The following LRRC39 variants were observed in gnomAD, a reference collection of about 807,000 sequenced individuals.
LRRC39 encodes the protein leucine rich repeat containing 39, also known as leucine-rich repeat-containing protein 39.
LRRC39 carries 35 observed loss-of-function variants against 39.7 expected under a neutral mutation model. That is an observed-to-expected ratio of 0.88 (90% CI 0.67 to 1.17). LRRC39 has a LOEUF of 1.17. LRRC39 is among the 50% of genes most tolerant of loss of function. The probability of loss-of-function intolerance (pLI) is 0.00; values close to 1 mark genes in which losing one functional copy is unlikely to be tolerated. For synonymous variants in LRRC39, 113 were observed against 134.1 expected (o/e 0.84, Z 1.09); for missense variants, 357 against 385.8 (o/e 0.93, Z 0.62).
Position 100,166,021 on chromosome 1 carries a change from T to C in LRRC39, c.113+2383A>G, listed in dbSNP as rs572704528. On this transcript the variant is annotated intron_variant, in intron 3 of 9. Transcript: ENST00000370137. ...TCCCATGTAGCTGGGATTACAGGCGTGAGCCACCATGTCTGGCTGAGGATT... is the reference window on the plus strand; with the variant it reads ...TCCCATGTAGCTGGGATTACAGGCGCGAGCCACCATGTCTGGCTGAGGATT... Among the ~76,000 whole-genome samples the C allele has an allele frequency of 1.3e-3, 192 of 151,886 alleles. 1 individual carries two copies. Among genetic ancestry groups the C allele is most frequent in the African/African-American group, 4.6e-3 (188 of 41,280 alleles).
At chr1:100,151,201 G>A (rs572736417) in intron 9 of LRRC39, among the ~76,000 whole-genome samples, 5 of 147,160 alleles carry the variant, frequency 3.4e-5, no homozygotes, top group Non-Finnish European at 5.9e-5. Flanking sequence ...GATTCTATTC[G>A]CCAACCCATC....
intron 6 of LRRC39, 28 bp downstream of exon 6, chr1:100,158,203 C>T: frequency 6.2e-7 from 1 of 1,605,276 alleles, no homozygotes; most frequent in South Asian, 1.1e-5. Flanking sequence ...ATGGAAAATA[C>T]AATCATAGGC....
intron 3 of LRRC39, among the ~76,000 whole-genome samples, chr1:100,166,904 T>C (rs1380443865): frequency 6.6e-6 from 1 of 152,204 alleles, no homozygotes; most frequent in Non-Finnish European, 1.5e-5. Context: ...TTCCTTCATC[T>C]TCCACCATGA....
intron 1 of LRRC39, among the ~76,000 whole-genome samples, chr1:100,174,987 G>A (rs1659859640): frequency 1.3e-5 from 2 of 150,614 alleles, no homozygotes; most frequent in Admixed American, 1.3e-4. Flanking sequence ...TAAGTTTGTG[G>A]CACCTCCCCC....
rs1419903701 is a variant in LRRC39 at position 100,152,543 on chromosome 1, A to C, written c.813-19T>G. On this transcript the variant is annotated intron_variant, in intron 8 of 9. Transcript: ENST00000370137. ...GACAAACCTAGAAGTTCATCAAAAAACAGTATTTTTATAGGTGTCATGGAA... is the reference window on the plus strand; with the variant it reads ...GACAAACCTAGAAGTTCATCAAAAACCAGTATTTTTATAGGTGTCATGGAA... 1 of 1,611,568 alleles carries C rather than the reference A, an allele frequency of 6.2e-7. No homozygotes were observed. Among genetic ancestry groups the C allele is most frequent in the Admixed American group, 1.7e-5 (1 of 59,572 alleles).
Position 100,156,243 on chromosome 1 carries a change from C to T in LRRC39, c.588G>A (p.Leu196=), listed in dbSNP as rs150346044. The T allele has an allele frequency of 1.7e-5, 28 of 1,613,960 alleles. No homozygotes were observed. The African/African-American group carries it at 3.6e-4, about 21-fold the overall frequency. The change falls in exon 7 of 10, where the codon TTG becomes TTA. Residue 196 remains leucine, a synonymous_variant. Transcript: ENST00000370137. ...CCAGCCACTCAAGGGCAGGCATGTT[C>T]AACACAGCAAGAGGGATTGTAGTAA... ...NDFTTIPLAV[L]NMPALEWLDM...
At chr1:100,153,969 AAT>A (rs1188661052) in intron 8 of LRRC39, among the ~76,000 whole-genome samples, 1 of 152,184 alleles carries the variant, frequency 6.6e-6, no homozygotes, top group African/African-American at 2.4e-5. Flanking sequence ...TTATTTAGGA[AAT>A]AAACACTTTT....
In LRRC39 at chr1:100,172,989, T is replaced by G. The variant is rs540774931; in HGVS notation, c.-79+342A>C. ...AAAAAAAAAAATTAGGAGGTTGCAG[T>G]GAGCCAAGATCATGCCACTGCACGC... On this transcript the variant is annotated intron_variant, in intron 2 of 9. Coordinates refer to ENST00000370137, the MANE Select transcript of LRRC39 (RefSeq NM_144620.4). 4.1e-5 allele frequency among the ~76,000 whole-genome samples: 6 copies of G among 147,970 alleles called. No homozygotes were observed. The South Asian group carries it at 1.3e-3, about 32-fold the overall frequency.
chr1:100,178,880 T>C (rs1660118092), upstream of LRRC39, among the ~76,000 whole-genome samples: 5 of 152,186 alleles, frequency 3.3e-5, no homozygotes, highest in South Asian at 1.0e-3. Flanking sequence ...CAAGTTCTCT[T>C]CTCTGAAGGC....
chr1:100,153,091 A>G (rs1658174066), intron 8 of LRRC39, among the ~76,000 whole-genome samples: 1 of 152,224 alleles, frequency 6.6e-6, no homozygotes, highest in Non-Finnish European at 1.5e-5. Context: ...TCTTAAATAT[A>G]AAATTAGTGC....
At chr1:100,167,514 C>T (rs1659330255) in intron 3 of LRRC39, among the ~76,000 whole-genome samples, 1 of 152,100 alleles carries the variant, frequency 6.6e-6, no homozygotes, top group Admixed American at 6.6e-5. Context: ...GTGGCTCATG[C>T]CTGTAATCCC....
Position 100,148,449 on chromosome 1 carries a change from A to G in LRRC39, c.*593T>C, listed in dbSNP as rs1427272972. 1 of 1,157,142 alleles carries G rather than the reference A, an allele frequency of 8.6e-7. No homozygotes were observed. The highest frequency in any genetic ancestry group is 2.5e-5 in the East Asian group (1 of 39,432). The allele number at this position is 1,157,142 out of a possible 1,614,324, so 71.7% of individuals were successfully genotyped here. On this transcript the variant is annotated 3_prime_UTR_variant, in exon 10 of 10. Coordinates refer to ENST00000370137, the MANE Select transcript of LRRC39 (RefSeq NM_144620.4). Reference sequence around the variant, plus strand: ...TTATAATCTAATTTTAGAATAAGCTAAAATATACACATCTTTTATTGTGGT... The same window carrying G: ...TTATAATCTAATTTTAGAATAAGCTGAAATATACACATCTTTTATTGTGGT...
intron 2 of LRRC39, among the ~76,000 whole-genome samples, chr1:100,170,115 G>T (rs540388516): frequency 1.2e-4 from 19 of 152,218 alleles, no homozygotes; most frequent in Admixed American, 2.6e-4. Context: ...GACAGTACAA[G>T]AACAGGAAAA....
At chr1:100,160,626 C>CT (rs35699743) in intron 3 of LRRC39, 55 bp from the exon 4 acceptor site, 176,729 of 1,080,796 alleles carry the variant, frequency 0.16, 33 homozygotes, top group Non-Finnish European at 0.17. Flanking sequence ...GTGGCATTCA[C>CT]TTTTTTTTTT....
In LRRC39 at chr1:100,155,090, T is replaced by C. The variant is rs774993468; in HGVS notation, c.773A>G (p.Gln258Arg). Reference protein sequence around the residue: ...GTLVLSNNKLQDIPVCMEEMA... With the variant: ...GTLVLSNNKLRDIPVCMEEMA... Reference sequence around the variant, plus strand: ...TTCTTCCATGCATACTGGAATATCTTGCAGTTTATTGTTGCTGAGAACAAG... The same window carrying C: ...TTCTTCCATGCATACTGGAATATCTCGCAGTTTATTGTTGCTGAGAACAAG... The change falls in exon 8 of 10, where the codon CAA (glutamine) becomes CGA (arginine). Residue 258 changes from glutamine to arginine, a missense_variant. Physicochemically the swap from Gln to Arg is conservative, Grantham distance 43. Coordinates refer to ENST00000370137, the MANE Select transcript of LRRC39 (RefSeq NM_144620.4). 6 of 1,606,378 alleles carry C rather than the reference T, an allele frequency of 3.7e-6. No individual in the cohort carries two copies. The highest frequency in any genetic ancestry group is 2.7e-5 in the African/African-American group (2 of 74,402).
chr1:100,164,016 T>C (rs377334600), intron 3 of LRRC39, among the ~76,000 whole-genome samples: 4 of 152,110 alleles, frequency 2.6e-5, no homozygotes, highest in Admixed American at 2.0e-4. Context: ...GAGGTTGCAG[T>C]GAGCCAAGAT....
intron 1 of LRRC39, among the ~76,000 whole-genome samples, chr1:100,177,621 T>C (rs1375584944): frequency 6.6e-6 from 1 of 152,224 alleles, no homozygotes; most frequent in African/African-American, 2.4e-5. Flanking sequence ...TTTGAAGTTT[T>C]TGCTAAATAC....
intron 7 of LRRC39, among the ~76,000 whole-genome samples, chr1:100,155,654 A>T (rs1658400360): frequency 6.6e-6 from 1 of 152,228 alleles, no homozygotes; most frequent in South Asian, 2.1e-4. Context: ...GAGTCTTAAG[A>T]GAACAATAAA....
intron 2 of LRRC39, among the ~76,000 whole-genome samples, chr1:100,172,191 C>T (rs1433890160): frequency 6.6e-6 from 1 of 152,088 alleles, no homozygotes; most frequent in Non-Finnish European, 1.5e-5. Flanking sequence ...TAAAAAATAA[C>T]ACTAATCATA....
Sources: allele counts gnomAD v4.1 joint callset (sites outside exome capture counted in the v4.1 genomes callset), GRCh38; gene constraint gnomAD v4.1.1; transcripts MANE v1.5; gene names NCBI Gene and HGNC (gene_info 2026-07-23, HGNC 2026-07-21).